MPPE1: variants seen among roughly 807,000 people sequenced by gnomAD.
The protein encoded by MPPE1 is metallophosphoesterase 1, also known as metallo phosphoesterase.
Under a neutral mutation model 43.8 loss-of-function variants are expected in MPPE1, and 28 were observed. The observed-to-expected ratio is 0.64, with a 90% confidence interval of 0.47 to 0.88. MPPE1 has a LOEUF of 0.88. MPPE1 is among the 40% of genes least tolerant of loss of function. The pLI, the probability that MPPE1 is intolerant of heterozygous loss-of-function variation, is 0.00. For synonymous variants in MPPE1, 159 were observed against 188.5 expected, an observed-to-expected ratio of 0.84 and a Z score of 1.28; for missense variants, 428 against 492.2, an observed-to-expected ratio of 0.87 and a Z score of 1.23.
At position 11,889,574 on chromosome 18, in the gene MPPE1, C is replaced by G. The variant is rs967520522; in HGVS notation, c.391-84G>C. 5 of 1,079,966 alleles carry G rather than the reference C, an allele frequency of 4.6e-6. No homozygotes were observed. In the African/African-American group the frequency reaches 6.4e-5, roughly 14 times the overall value. The allele number at this position is 1,079,966 out of a possible 1,614,324, so 66.9% of individuals were successfully genotyped here. On this transcript the variant is annotated intron_variant, in intron 4 of 10. Transcript: ENST00000588072. The stretch of plus-strand genomic sequence containing the variant: ...AAAACAGGATCCCTATTTTGTTTTG[C>G]TTTTTTTTGAGACGAGTCTGGCTCT...
chr18:11,888,284 A>G (rs2037563903), intron 6 of MPPE1, among the ~76,000 whole-genome samples: 1 of 152,246 alleles, frequency 6.6e-6, no homozygotes, highest in South Asian at 2.1e-4. Flanking sequence ...TTATGACACC[A>G]TAACTACGAG....
chr18:11,886,865 A>C lies in MPPE1; in HGVS notation c.678+52T>G. On this transcript the variant is annotated intron_variant, in intron 7 of 10. Transcript: ENST00000588072. This position sits in a 1 kb window ranked among gnomAD's most constrained non-coding sequence, Gnocchi z 4.1. ...GCTAGGGGGCTGAGTGAGCAACCGA[A>C]GCGGAGCAACACGGGACAGAAGGCA... The C allele has an allele frequency of 6.3e-7, 1 of 1,596,084 alleles. No individual in the cohort carries two copies. The highest frequency in any genetic ancestry group is 1.3e-5 in the African/African-American group (1 of 74,624).
intron 2 of MPPE1, among the ~76,000 whole-genome samples, chr18:11,901,793 C>A (rs1249833846): frequency 2.6e-5 from 4 of 152,034 alleles, no homozygotes; most frequent in African/African-American, 9.7e-5. Context: ...GAGCCGAGAT[C>A]GTGCCACTGC....
intron 2 of MPPE1, among the ~76,000 whole-genome samples, chr18:11,899,241 T>C (rs1431738325): frequency 6.6e-6 from 1 of 151,476 alleles, no homozygotes; most frequent in African/African-American, 2.4e-5. Flanking sequence ...TTTACTGCAG[T>C]ACCATAGTCT....
At chr18:11,893,204 A>G in intron 4 of MPPE1, 1 of 418,492 alleles carries the variant, frequency 2.4e-6, no homozygotes, top group Non-Finnish European at 4.3e-6. Context: ...TTCCAACTAA[A>G]TGATATCTGG....
rs773694140 is a variant in MPPE1 at position 11,887,021 on chromosome 18, C to G, written c.574G>C (p.Val192Leu). Residue 192 changes from valine to leucine, a missense_variant, in exon 7 of 11, where the codon GTG (valine) becomes CTG (leucine). Val to Leu is a conservative substitution (Grantham distance 32). Transcript: ENST00000588072. ...RLFSWKGINFVMVNSVALNGD... is the reference protein window; with the variant it reads ...RLFSWKGINFLMVNSVALNGD... ...TTCAGCGCCACGCTGTTGACCATCA[C>G]AAAGCTGAAGCGGAGGGAAACGCAG... The G allele has an allele frequency of 2.5e-6, 4 of 1,609,522 alleles. No individual in the cohort carries two copies. The Admixed American group carries it at 5.0e-5, about 20-fold the overall frequency.
At position 11,884,282 on chromosome 18, in the gene MPPE1, C is replaced by A; in HGVS notation, c.*163G>T. The A allele has an allele frequency of 3.0e-6, 2 of 672,884 alleles. No homozygotes were observed. The highest frequency in any genetic ancestry group is 5.1e-6 in the Non-Finnish European group (2 of 390,678). 41.7% of individuals were successfully genotyped at this position (672,884 alleles called of 1,614,324 possible). On this transcript the variant is annotated 3_prime_UTR_variant, in exon 11 of 11. Transcript: ENST00000588072. ...CCACTTTTATAGCATGAGAACAGTA[C>A]AATCAACTATTTATTTTGCAGTTAC...
At chr18:11,898,790 A>T (rs2038850059) in intron 2 of MPPE1, among the ~76,000 whole-genome samples, 1 of 151,524 alleles carries the variant, frequency 6.6e-6, no homozygotes, top group African/African-American at 2.4e-5. Context: ...CCAATCAACA[A>T]CTCCTATTCC....
intron 10 of MPPE1, chr18:11,885,107 C>A: frequency 8.7e-7 from 1 of 1,152,602 alleles, no homozygotes; most frequent in Non-Finnish European, 1.1e-6. Context: ...TTATGTGGAA[C>A]AACAGTGGCA....
intron 4 of MPPE1, chr18:11,893,196 C>G (rs2038195012): frequency 5.0e-6 from 2 of 396,850 alleles, no homozygotes; most frequent in Admixed American, 8.5e-5. Context: ...ACAGTGTATT[C>G]CAACTAAATG....
chr18:11,897,409 C>T (rs532626301), intron 2 of MPPE1, 53 bp from the exon 3 acceptor site: 1 of 695,962 alleles, frequency 1.4e-6, no homozygotes, highest in Middle Eastern at 3.2e-4. Flanking sequence ...ACAGGTATCA[C>T]GACCTCCCTC....
At chr18:11,885,067 G>A (rs748535762) in intron 10 of MPPE1, 73 of 1,286,368 alleles carry the variant, frequency 5.7e-5, no homozygotes, top group African/African-American at 2.3e-4. Context: ...TGTCCAGGTC[G>A]TCTCCATGGG....
At chr18:11,903,186 G>A (rs1045865222) in intron 2 of MPPE1, among the ~76,000 whole-genome samples, 8 of 152,082 alleles carry the variant, frequency 5.3e-5, no homozygotes, top group Admixed American at 1.3e-4. Context: ...AGCAGCCAGC[G>A]CCAAGGAGAG....
chr18:11,888,651 T>C lies in MPPE1; in HGVS notation c.569+18A>G, dbSNP rs2037614357. 1 of 1,533,910 alleles carries C rather than the reference T, an allele frequency of 6.5e-7. No individual in the cohort carries two copies. Among genetic ancestry groups the C allele is most frequent in the Non-Finnish European group, 8.9e-7 (1 of 1,122,468 alleles). ...CCAAGGACTAAAGGTCTTGGAAGAA[T>C]TTACAAATAATACTCACTTAATGCC... On this transcript the variant is annotated intron_variant, in intron 6 of 10. Coordinates refer to ENST00000588072, the MANE Select transcript of MPPE1 (RefSeq NM_023075.6).
chr18:11,899,039 C>G (rs2038876961), intron 2 of MPPE1, among the ~76,000 whole-genome samples: 1 of 151,964 alleles, frequency 6.6e-6, no homozygotes, highest in African/African-American at 2.4e-5. Context: ...TCCCGAGTAG[C>G]TGGGATTACA....
At chr18:11,900,367 G>A (rs141507804) in intron 2 of MPPE1, among the ~76,000 whole-genome samples, 2,631 of 151,944 alleles carry the variant, frequency 0.017, 31 homozygotes, top group Middle Eastern at 0.037. Flanking sequence ...TTAGCTGGGC[G>A]TGGTGGTGGG....
chr18:11,885,533 G>T, intron 10 of MPPE1, 143 bp downstream of exon 10: 1 of 948,934 alleles, frequency 1.1e-6, no homozygotes, highest in Non-Finnish European at 1.6e-6. Flanking sequence ...GCAAGGGGCA[G>T]TGTATGGAGC....
Position 11,897,484 on chromosome 18 carries a change from CAAT to C in MPPE1, c.-92-131_-92-129del, listed in dbSNP as rs531400387. On this transcript the variant is annotated intron_variant, in intron 2 of 10. Coordinates refer to ENST00000588072, the MANE Select transcript of MPPE1 (RefSeq NM_023075.6). The stretch of plus-strand genomic sequence containing the variant: ...CCAAATTAATCGTCTTATACTTTTA[CAAT>C]AATAATATGCCAGATTACTAATAAG... 7.8e-4 allele frequency: 408 copies of C among 524,616 alleles called. 1 individual carries two copies. The highest frequency in any genetic ancestry group is 2.2e-4 in the Non-Finnish European group (64 of 297,004). 32.5% of individuals were successfully genotyped at this position (524,616 alleles called of 1,614,324 possible). A position where few individuals can be genotyped will look rare whatever the true frequency, so the allele number is the denominator to read the frequency against.
rs1019272946 is a variant in MPPE1, at chr18:11,883,925, A to C, written c.*520T>G. ...AGGCTGGTCTTGAACTCCTGACCTCAAGTGATCCACCCGCCTCAGCCTCCC... is the reference window on the plus strand; with the variant it reads ...AGGCTGGTCTTGAACTCCTGACCTCCAGTGATCCACCCGCCTCAGCCTCCC... On this transcript the variant is annotated 3_prime_UTR_variant, in exon 11 of 11. Transcript: ENST00000588072. 1 of 152,512 alleles carries C rather than the reference A, an allele frequency of 6.6e-6. No individual in the cohort carries two copies. The highest frequency in any genetic ancestry group is 1.5e-5 in the Non-Finnish European group (1 of 68,336). 9.4% of individuals were successfully genotyped at this position (152,512 alleles called of 1,614,324 possible). A position where few individuals can be genotyped will look rare whatever the true frequency, so the allele number is the denominator to read the frequency against.
Sources: allele counts gnomAD v4.1 joint callset (sites outside exome capture counted in the v4.1 genomes callset), GRCh38; gene constraint gnomAD v4.1.1; non-coding constraint Gnocchi (gnomAD v3.1); transcripts MANE v1.5; gene names NCBI Gene and HGNC (gene_info 2026-07-23, HGNC 2026-07-21).